Variants in STK10 observed in about 807,000 individuals in gnomAD.
STK10 encodes serine/threonine kinase 10.
A neutral mutation model predicts 113.8 loss-of-function variants in STK10; 78 were observed. The observed-to-expected ratio is 0.69, with a 90% CI of 0.57 to 0.83. STK10 has a LOEUF of 0.83. Ranked by LOEUF, STK10 falls within the 40% of genes least tolerant of loss-of-function variation. STK10 has a pLI of 0.00. For synonymous variants in STK10, 465 were observed against 494.7 expected (o/e 0.94, Z 0.80); for missense variants, 1,109 against 1,280.1 (o/e 0.87, Z 2.04).
intron 8 of STK10, among the ~76,000 whole-genome samples, chr5:172,094,451 C>T (rs1044164946): frequency 2.0e-5 from 3 of 152,202 alleles, no homozygotes; most frequent in African/African-American, 4.8e-5. Context: ...CAACCTCCAC[C>T]TCCTGGGTTC....
intron 1 of STK10, among the ~76,000 whole-genome samples, chr5:172,175,648 GCA>G (rs546531742): frequency 2.0e-5 from 3 of 152,182 alleles, no homozygotes; most frequent in Non-Finnish European, 4.4e-5. Context: ...TCCAGCTGAG[GCA>G]CGCTTGCAAA....
At chr5:172,139,863 G>A (rs191015526) in intron 2 of STK10, among the ~76,000 whole-genome samples, 116 of 145,270 alleles carry the variant, frequency 8.0e-4, no homozygotes, top group African/African-American at 2.7e-3. Flanking sequence ...CATCGATCTT[G>A]GCAATGATTT....
intron 12 of STK10, among the ~76,000 whole-genome samples, chr5:172,080,557 C>T (rs1768406359): frequency 1.3e-5 from 2 of 152,358 alleles, no homozygotes; most frequent in East Asian, 3.9e-4. Context: ...GCAAAACAGC[C>T]TATGCTGAGA....
At chr5:172,149,604 C>T (rs564332652) in intron 2 of STK10, among the ~76,000 whole-genome samples, 1 of 151,592 alleles carries the variant, frequency 6.6e-6, no homozygotes, top group Non-Finnish European at 1.5e-5. Context: ...CCAGGGAGCC[C>T]GAGGAAGACC....
chr5:172,149,758 T>G (rs1770171693), intron 2 of STK10, among the ~76,000 whole-genome samples: 1 of 152,052 alleles, frequency 6.6e-6, no homozygotes, highest in Non-Finnish European at 1.5e-5. Flanking sequence ...TTGAAAGACC[T>G]CCTTGGGCCG....
At chr5:172,169,187 G>A (rs1000734746) in intron 1 of STK10, among the ~76,000 whole-genome samples, 1 of 152,136 alleles carries the variant, frequency 6.6e-6, no homozygotes, top group Non-Finnish European at 1.5e-5. Context: ...GAATCTCTTT[G>A]CACCTTGTTA....
chr5:172,134,923 CAA>C (rs546228084), intron 2 of STK10, among the ~76,000 whole-genome samples: 1 of 126,742 alleles, frequency 7.9e-6, no homozygotes. Flanking sequence ...GACTTTATCT[CAA>C]AAAAAAAAAG....
At chr5:172,161,526 C>T (rs1312740294) in intron 1 of STK10, among the ~76,000 whole-genome samples, 1 of 152,096 alleles carries the variant, frequency 6.6e-6, no homozygotes, top group African/African-American at 2.4e-5. Flanking sequence ...TTTCTGTACA[C>T]TCATTCTCAG....
chr5:172,183,224 A>G (rs981305117), intron 1 of STK10, among the ~76,000 whole-genome samples: 2 of 152,022 alleles, frequency 1.3e-5, no homozygotes, highest in African/African-American at 4.8e-5. Flanking sequence ...AAACAAAAAG[A>G]AGCAGAAAAA....
At chr5:172,057,001 GAAGGAAAGAA>G (rs1561790254) in intron 15 of STK10, 31 of 77,834 alleles carry the variant, frequency 4.0e-4, no homozygotes, top group East Asian at 1.0e-3. Context: ...GAAAGAGAAA[GAAGGAAAGAA>G]AGAAAGAAAG....
chr5:172,157,449 G>A (rs1017211825), intron 1 of STK10, among the ~76,000 whole-genome samples: 56 of 152,236 alleles, frequency 3.7e-4, no homozygotes, highest in African/African-American at 1.3e-3. Flanking sequence ...CCAGCTATTG[G>A]GGAGGCTGAA....
Position 172,055,614 on chromosome 5 carries a change from C to G in STK10, c.2500G>C (p.Ala834Pro). The G allele has an allele frequency of 6.5e-7, 1 of 1,541,222 alleles. No individual in the cohort carries two copies. Among genetic ancestry groups the G allele is most frequent in the Non-Finnish European group, 8.8e-7 (1 of 1,139,070 alleles). The part of the protein sequence containing the change: ...SLHINGGGSA[A>P]EQREKIKQFS... ...TGCTTGATCTTCTCACGCTGCTCAGCTGCGCTGCCCCCGCCGTTGATGTGG... is the reference window on the plus strand; with the variant it reads ...TGCTTGATCTTCTCACGCTGCTCAGGTGCGCTGCCCCCGCCGTTGATGTGG... Residue 834 changes from alanine to proline, a missense_variant, in exon 16 of 19, where the codon GCT becomes CCT. Ala to Pro is a conservative substitution (Grantham distance 27). This residue lies in a region of STK10 where 885 missense variants were observed against 991.1 expected (regional missense o/e 0.89). Transcript: ENST00000176763.
intron 7 of STK10, among the ~76,000 whole-genome samples, chr5:172,103,890 C>G (rs1006153382): frequency 4.6e-5 from 7 of 152,254 alleles, no homozygotes; most frequent in Non-Finnish European, 7.3e-5. Context: ...CTGCTATTCA[C>G]TCCCATTTCA....
At chr5:172,147,455 A>C (rs1393710456) in intron 2 of STK10, among the ~76,000 whole-genome samples, 1 of 151,766 alleles carries the variant, frequency 6.6e-6, no homozygotes, top group East Asian at 1.9e-4. Context: ...GCAGTGGCAC[A>C]ATCTCGGCTC....
At chr5:172,059,193 G>C (rs1321966561) in intron 14 of STK10, among the ~76,000 whole-genome samples, 2 of 152,154 alleles carry the variant, frequency 1.3e-5, no homozygotes, top group African/African-American at 2.4e-5. Flanking sequence ...GGCCAAGGCA[G>C]GTGGATTGCT....
intron 3 of STK10, among the ~76,000 whole-genome samples, chr5:172,118,651 G>C (rs544285365): frequency 3.1e-4 from 34 of 107,986 alleles, no homozygotes; most frequent in Non-Finnish European, 5.7e-4. Flanking sequence ...AAGCAGAGGC[G>C]GGGGGGATCA....
chr5:172,173,893 C>T (rs548115622), intron 1 of STK10, among the ~76,000 whole-genome samples: 8 of 152,310 alleles, frequency 5.3e-5, no homozygotes, highest in Non-Finnish European at 1.2e-4. Flanking sequence ...TTCGCAAAGT[C>T]GGGGCAAAGG....
intron 12 of STK10, among the ~76,000 whole-genome samples, chr5:172,072,514 T>G (rs1768215042): frequency 6.6e-6 from 1 of 152,192 alleles, no homozygotes; most frequent in African/African-American, 2.4e-5. Context: ...GTGATCCGCC[T>G]GCCTCGGCCT....
intron 12 of STK10, among the ~76,000 whole-genome samples, chr5:172,069,319 A>C (rs984112577): frequency 7.2e-5 from 11 of 152,188 alleles, no homozygotes; most frequent in Non-Finnish European, 1.2e-4. Flanking sequence ...AAAGATTTAG[A>C]CAGGTTAAAT....
Sources: allele counts gnomAD v4.1 joint callset (sites outside exome capture counted in the v4.1 genomes callset), GRCh38; gene constraint gnomAD v4.1.1; regional missense constraint gnomAD v4.1.1; transcripts MANE v1.5; gene names NCBI Gene and HGNC (gene_info 2026-07-23, HGNC 2026-07-21).